The following C5orf46 variants were observed in gnomAD, a reference collection of about 807,000 sequenced individuals.
C5orf46 encodes uncharacterized protein C5orf46.
In C5orf46, 9 loss-of-function variants were observed where a neutral mutation model predicts 8.9. The observed-to-expected ratio is 1.01, with a 90% CI of 0.61 to 1.76. C5orf46 has a LOEUF of 1.76. Among genes scored for constraint, C5orf46 ranks in the 40% most tolerant of loss-of-function variants. The pLI is 0.00. For missense variants in C5orf46, 98 were observed against 107.8 expected, an observed-to-expected ratio of 0.91 and a Z score of 0.40; for synonymous variants, 47 against 41.4, an observed-to-expected ratio of 1.14 and a Z score of -0.52.
At chr5:147,886,463 TATAATC>T (rs1018137191) in intron 2 of C5orf46, 6 of 150,988 alleles carry the variant, frequency 4.0e-5, no homozygotes, top group African/African-American at 1.5e-4. Context: ...ATAATTATCA[TATAATC>T]ATATGGAATA....
At chr5:147,900,923 A>C (rs1757657675) in intron 2 of C5orf46, among the ~76,000 whole-genome samples, 1 of 152,232 alleles carries the variant, frequency 6.6e-6, no homozygotes, top group South Asian at 2.1e-4. Context: ...CTATGTAGGC[A>C]AAAATAATAT....
At chr5:147,903,301 A>G (rs1747935902) in intron 1 of C5orf46, among the ~76,000 whole-genome samples, 3 of 152,300 alleles carry the variant, frequency 2.0e-5, no homozygotes, top group South Asian at 4.1e-4. Flanking sequence ...TAAACAACAA[A>G]TGCTTTTCTG....
chr5:147,891,129 T>C (rs776264007), downstream of C5orf46, among the ~76,000 whole-genome samples: 4 of 152,156 alleles, frequency 2.6e-5, no homozygotes, highest in Non-Finnish European at 4.4e-5. Flanking sequence ...TCTACCAATT[T>C]TGGTATCTTA....
intron 1 of C5orf46, among the ~76,000 whole-genome samples, chr5:147,903,475 G>A (rs1008206829): frequency 4.1e-4 from 62 of 152,148 alleles, no homozygotes; most frequent in African/African-American, 1.4e-3. Context: ...ATGTACCCCT[G>A]ACTTTGGATA....
intron 2 of C5orf46, 96 bp downstream of exon 2, chr5:147,901,533 A>G (rs1281363008): frequency 8.9e-7 from 1 of 1,121,562 alleles, no homozygotes; most frequent in Non-Finnish European, 1.2e-6. Context: ...TTATGCCACA[A>G]ATTTTGTTTC....
rs758103168 is a variant in C5orf46 at position 147,901,786 on chromosome 5, A to C, written c.71-13T>G. 1.3e-5 allele frequency: 21 copies of C among 1,611,780 alleles called. No individual in the cohort carries two copies. The highest frequency in any genetic ancestry group is 1.8e-5 in the Non-Finnish European group (21 of 1,178,950). ...TCTGGTTTGTCGTCTGAAAAACAAC[A>C]GAATCTCAGAGGTGATTCTCAGCAA... On this transcript the variant is annotated splice_polypyrimidine_tract_variant and intron_variant, in intron 1 of 3. Coordinates refer to ENST00000318315, the MANE Select transcript of C5orf46 (RefSeq NM_206966.3).
chr5:147,900,382 T>C (rs1757648444), intron 2 of C5orf46, among the ~76,000 whole-genome samples: 1 of 152,192 alleles, frequency 6.6e-6, no homozygotes, highest in East Asian at 1.9e-4. Context: ...TACTCCTACA[T>C]GGAAGTGGTT....
At chr5:147,899,026 TTC>T (rs1230624592) in intron 2 of C5orf46, among the ~76,000 whole-genome samples, 1 of 152,170 alleles carries the variant, frequency 6.6e-6, no homozygotes, top group Non-Finnish European at 1.5e-5. Context: ...ATTCCTCTCA[TTC>T]TCTCTTCCAA....
intron 2 of C5orf46, among the ~76,000 whole-genome samples, chr5:147,898,080 A>T (rs1226565181): frequency 1.3e-5 from 2 of 152,118 alleles, no homozygotes; most frequent in African/African-American, 4.8e-5. Flanking sequence ...CCAAATTTAA[A>T]TTTTTTTGAT....
chr5:147,898,129 A>G (rs1485306751), intron 2 of C5orf46, among the ~76,000 whole-genome samples: 1 of 152,136 alleles, frequency 6.6e-6, no homozygotes, highest in Non-Finnish European at 1.5e-5. Context: ...AATTGATGAG[A>G]CAGAAGGTGG....
chr5:147,902,761 C>T (rs1223239883), intron 1 of C5orf46, among the ~76,000 whole-genome samples: 1 of 152,204 alleles, frequency 6.6e-6, no homozygotes, highest in Non-Finnish European at 1.5e-5. Context: ...GCAATTTGCA[C>T]TTCTTTTAGA....
intron 3 of C5orf46, among the ~76,000 whole-genome samples, chr5:147,896,058 A>T (rs1757575386): frequency 6.6e-6 from 1 of 152,182 alleles, no homozygotes. Context: ...AGATAAAGTA[A>T]CTCAACTAAG....
intron 2 of C5orf46, chr5:147,901,410 T>A: frequency 2.5e-6 from 1 of 400,872 alleles, no homozygotes. Context: ...AAATCCTGTA[T>A]GGAACCACTT....
chr5:147,899,917 A>G (rs1275944873), intron 2 of C5orf46, among the ~76,000 whole-genome samples: 1 of 152,226 alleles, frequency 6.6e-6, no homozygotes, highest in Non-Finnish European at 1.5e-5. Context: ...GTAATGAGGG[A>G]AAGGGAAACC....
downstream of C5orf46, among the ~76,000 whole-genome samples, chr5:147,889,121 C>T (rs529486948): frequency 6.6e-6 from 1 of 152,016 alleles, no homozygotes; most frequent in African/African-American, 2.4e-5. Flanking sequence ...TTGTTTATTG[C>T]AGAATCCTTT....
At chr5:147,904,481 T>G (rs1757719690) in intron 1 of C5orf46, among the ~76,000 whole-genome samples, 1 of 152,242 alleles carries the variant, frequency 6.6e-6, no homozygotes, top group African/African-American at 2.4e-5. Context: ...AGTAATTTCT[T>G]GCATGAAAGA....
intron 2 of C5orf46, chr5:147,901,387 GA>G (rs71969066): frequency 0.2 from 49,552 of 247,850 alleles, 3,030 homozygotes; most frequent in African/African-American, 0.4. Context: ...AGATTAAAAA[GA>G]AAAAAAAAAA....
intron 2 of C5orf46, among the ~76,000 whole-genome samples, chr5:147,899,839 G>C (rs2127129525): frequency 6.6e-6 from 1 of 152,260 alleles, no homozygotes. Flanking sequence ...TAAGGAGGGA[G>C]AGCAAGGGAA....
At chr5:147,892,581 C>G (rs988691254), downstream of C5orf46, 6 of 152,032 alleles carry the variant, frequency 3.9e-5, no homozygotes, top group African/African-American at 1.4e-4. Context: ...CTTTAGTCCT[C>G]TTATTTTGAA....
Sources: gnomAD v4.1 joint callset for allele counts (sites outside exome capture counted in the v4.1 genomes callset) on GRCh38, gnomAD v4.1.1 for gene constraint, MANE v1.5 for transcripts, NCBI Gene and HGNC (gene_info 2026-07-23, HGNC 2026-07-21) for gene names.